The following NLRP13 variants were observed in gnomAD, a reference collection of about 807,000 sequenced individuals.
NLRP13 encodes the protein NLR family pyrin domain containing 13.
NLRP13 carries 82 observed loss-of-function variants against 94.4 expected under a neutral mutation model. The ratio of observed to expected loss-of-function variants is 0.87; its 90% CI spans 0.73 to 1.04. NLRP13 has a LOEUF of 1.04. NLRP13 is among the 50% of genes least tolerant of loss of function. NLRP13 has a pLI of 0.00. For synonymous variants in NLRP13, 553 were observed against 464.7 expected, an observed-to-expected ratio of 1.19 and a Z score of -2.45; for missense variants, 1,426 against 1,230.8, an observed-to-expected ratio of 1.16 and a Z score of -2.37.
intron 9 of NLRP13, among the ~76,000 whole-genome samples, chr19:55,901,459 C>A (rs529198142): frequency 6.6e-6 from 1 of 152,148 alleles, no homozygotes; most frequent in African/African-American, 2.4e-5. Context: ...CTGCGATGAG[C>A]TGGAGAGCTA....
Position 55,908,439 on chromosome 19 carries a change from G to A in NLRP13, c.2283-483C>T, listed in dbSNP as rs150982534. On this transcript the variant is annotated intron_variant, in intron 6 of 10. Coordinates refer to ENST00000342929, the MANE Select transcript of NLRP13 (RefSeq NM_176810.2). ...TTACTGGGTATATGCCCAAAGGAAC[G>A]TAAATCGTTCTATTATAAAGACATA... Among the ~76,000 whole-genome samples the A allele has an allele frequency of 4.8e-3, 726 of 152,244 alleles. 8 individuals are homozygous for A. Among genetic ancestry groups the A allele is most frequent in the African/African-American group, 0.016 (677 of 41,532 alleles).
In NLRP13 at chr19:55,913,243, A is replaced by G. The variant is rs1045616862; in HGVS notation, c.574T>C (p.Trp192Arg). 1 of 1,614,116 alleles carries G rather than the reference A, an allele frequency of 6.2e-7. No individual in the cohort carries two copies. Among genetic ancestry groups the G allele is most frequent in the Non-Finnish European group, 8.5e-7 (1 of 1,180,010 alleles). The change falls in exon 5 of 11, where the codon TGG (tryptophan) becomes CGG (arginine). Residue 192 changes from tryptophan (W) to arginine (R), a missense_variant. By Grantham distance (101) the Trp-to-Arg change is moderately radical. Transcript: ENST00000342929. The part of the protein sequence containing the change: ...ENMKAELLET[W>R]DNISWPKDHV... ...TCTTTAGGCCAACTGATGTTGTCCC[A>G]TGTCTCCAGTAGTTCAGCCTTCATG...
chr19:55,902,073 C>T lies in NLRP13; in HGVS notation c.2751G>A (p.Glu917=), dbSNP rs538900563. 1 of 1,614,174 alleles carries T rather than the reference C, an allele frequency of 6.2e-7. No individual in the cohort carries two copies. Among genetic ancestry groups the T allele is most frequent in the East Asian group, 2.2e-5 (1 of 44,872 alleles). ...LRDEGVKFLC[E]ALGRPDGNLQ... The stretch of plus-strand genomic sequence containing the variant: ...GGTTACCATCTGGGCGACCCAAGGC[C>T]TCACACAGGAACTTGACTCCCTCGT... The change falls in exon 9 of 11, where the codon GAG becomes GAA. Residue 917 remains glutamate, a synonymous_variant. Transcript: ENST00000342929.
chr19:55,928,842 T>C (rs1987032624), intron 1 of NLRP13, among the ~76,000 whole-genome samples: 1 of 151,986 alleles, frequency 6.6e-6, no homozygotes, highest in Admixed American at 6.6e-5. Flanking sequence ...GTCACCAGAG[T>C]GTACAGGCAA....
chr19:55,930,482 T>A (rs1390463701), intron 1 of NLRP13, among the ~76,000 whole-genome samples: 1 of 151,848 alleles, frequency 6.6e-6, no homozygotes, highest in Non-Finnish European at 1.5e-5. Flanking sequence ...GGTCAGAAGT[T>A]TGAGACCAGC....
At chr19:55,924,309 G>A (rs919358172) in intron 3 of NLRP13, among the ~76,000 whole-genome samples, 12 of 152,024 alleles carry the variant, frequency 7.9e-5, no homozygotes, top group Non-Finnish European at 1.5e-4. Context: ...TTTTAGTAGA[G>A]ATGGAGTTTC....
chr19:55,922,852 A>G (rs1445634142), intron 4 of NLRP13, among the ~76,000 whole-genome samples: 1 of 152,218 alleles, frequency 6.6e-6, no homozygotes, highest in Non-Finnish European at 1.5e-5. Context: ...CGATTGGAAA[A>G]CTAAGAAATA....
rs140331383 is a variant in NLRP13 at position 55,930,773 on chromosome 19, G to C, written c.319+1220C>G. Among the ~76,000 whole-genome samples, 352 of 149,422 alleles carry C rather than the reference G, an allele frequency of 2.4e-3. 3 individuals carry two copies. The highest frequency in any genetic ancestry group is 6.9e-3 in the Middle Eastern group (2 of 288). ...TTATTTTCAACAGCTCTCATAGGCA[G>C]TCAGTTCTTTTATAAAGTGATGTGT... On this transcript the variant is annotated intron_variant, in intron 1 of 10. Coordinates refer to ENST00000342929, the MANE Select transcript of NLRP13 (RefSeq NM_176810.2).
At chr19:55,900,198 A>G (rs1323084196) in intron 9 of NLRP13, among the ~76,000 whole-genome samples, 3 of 152,134 alleles carry the variant, frequency 2.0e-5, no homozygotes, top group Non-Finnish European at 2.9e-5. Flanking sequence ...AAAAACAAGA[A>G]AGAATTCCCT....
In NLRP13 at chr19:55,911,921, T is replaced by C. The variant is rs879207792; in HGVS notation, c.1896A>G (p.Gln632=). 1 of 1,614,164 alleles carries C rather than the reference T, an allele frequency of 6.2e-7. No individual in the cohort carries two copies. The highest frequency in any genetic ancestry group is 8.5e-7 in the Non-Finnish European group (1 of 1,180,008). Reference sequence around the variant, plus strand: ...AGTGAAAAAGTCGTAGAATGTGAAATTGGAGAGAGGCACTTTCAGCCTTAC... The same window carrying C: ...AGTGAAAAAGTCGTAGAATGTGAAACTGGAGAGAGGCACTTTCAGCCTTAC... ...ELGKAESASL[Q]FHILRLFHCL... is the part of the protein sequence containing the mutation. Residue 632 remains glutamine, a synonymous_variant, in exon 5 of 11, where the codon CAA becomes CAG. Coordinates refer to ENST00000342929, the MANE Select transcript of NLRP13 (RefSeq NM_176810.2).
rs770229970 is a variant in NLRP13 at position 55,912,680 on chromosome 19, G to C, written c.1137C>G (p.Cys379Trp). 6.2e-7 allele frequency: 1 copy of C among 1,614,176 alleles called. No homozygotes were observed. The highest frequency in any genetic ancestry group is 1.6e-4 in the Middle Eastern group (1 of 6,062). The change falls in exon 5 of 11, where the codon TGC becomes TGG. Residue 379 changes from cysteine to tryptophan, a missense_variant. Cys to Trp is a radical substitution (Grantham distance 215, BLOSUM62 -2). Coordinates refer to ENST00000342929, the MANE Select transcript of NLRP13 (RefSeq NM_176810.2). The part of the protein sequence containing the change: ...RDLKASLVNP[C>W]FVQITGFTGD... ...CTGTGAACCCTGTAATTTGTACAAA[G>C]CATGGATTCACTAATGAGGCCTTAA...
intron 9 of NLRP13, among the ~76,000 whole-genome samples, chr19:55,901,258 C>T (rs1370228681): frequency 1.3e-5 from 2 of 152,238 alleles, no homozygotes; most frequent in East Asian, 3.8e-4. Flanking sequence ...GCACATAGAA[C>T]AAAGGAGAAT....
At chr19:55,892,764 C>A (rs1367769050), downstream of NLRP13, among the ~76,000 whole-genome samples, 1 of 152,144 alleles carries the variant, frequency 6.6e-6, no homozygotes, top group African/African-American at 2.4e-5. Flanking sequence ...TTGTTTAGCT[C>A]CAACTTGTGA....
intron 4 of NLRP13, among the ~76,000 whole-genome samples, chr19:55,914,946 G>A (rs1318129062): frequency 6.6e-6 from 1 of 152,130 alleles, no homozygotes; most frequent in Non-Finnish European, 1.5e-5. Context: ...GCCAGACACA[G>A]AAAGACAAAT....
chr19:55,901,121 C>T (rs1986157959), intron 9 of NLRP13, among the ~76,000 whole-genome samples: 2 of 152,156 alleles, frequency 1.3e-5, no homozygotes, highest in East Asian at 1.9e-4. Flanking sequence ...ATTGTGTGTC[C>T]TGTGTGATGT....
intron 5 of NLRP13, 96 bp from the exon 6 acceptor site, chr19:55,910,829 AATT>A (rs1986489477): frequency 8.5e-6 from 9 of 1,060,492 alleles, no homozygotes; most frequent in South Asian, 2.0e-5. Context: ...ACCCTAACAA[AATT>A]ATTATAATTT....
chr19:55,911,591 C>T lies in NLRP13; in HGVS notation c.2111+115G>A, dbSNP rs556955940. 1.2e-5 allele frequency: 12 copies of T among 999,162 alleles called. No homozygotes were observed. In the South Asian group the frequency reaches 1.3e-4, roughly 11 times the overall value. 61.9% of individuals were successfully genotyped at this position (999,162 alleles called of 1,614,324 possible). ...TTAGAGCTGCTCCAGACCATTTGGT[C>T]GGAAATAAGCACGAATACATAACGA... On this transcript the variant is annotated intron_variant, in intron 5 of 10. Transcript: ENST00000342929.
chr19:55,921,202 T>G (rs1421454476), intron 4 of NLRP13, among the ~76,000 whole-genome samples: 1 of 152,108 alleles, frequency 6.6e-6, no homozygotes, highest in Non-Finnish European at 1.5e-5. Context: ...CACCAAAAGC[T>G]CAGACTTTAC....
downstream of NLRP13, chr19:55,892,087 C>T (rs1985866397): frequency 8.1e-7 from 1 of 1,231,660 alleles, no homozygotes; most frequent in Non-Finnish European, 1.0e-6. Flanking sequence ...GTCTGTATCT[C>T]CTCTCTCACT....
Sources: allele counts gnomAD v4.1 joint callset (sites outside exome capture counted in the v4.1 genomes callset), GRCh38; gene constraint gnomAD v4.1.1; transcripts MANE v1.5; gene names NCBI Gene and HGNC (gene_info 2026-07-23, HGNC 2026-07-21).